CTNNA3: variants seen among roughly 807,000 people sequenced by gnomAD.
CTNNA3 encodes catenin alpha-3.
Under a neutral mutation model 95.7 loss-of-function variants are expected in CTNNA3, and 76 were observed. The ratio of observed to expected loss-of-function variants is 0.79; its 90% CI spans 0.66 to 0.96. The LOEUF (loss-of-function observed/expected upper bound fraction) is 0.96, where lower values mean the gene tolerates loss of function less well. Among genes scored for constraint, CTNNA3 ranks in the 40% least tolerant of loss-of-function variants. The pLI is 0.00. For synonymous variants in CTNNA3, 431 were observed against 374.4 expected (o/e 1.15, Z -1.74); for missense variants, 1,191 against 1,089.8 (o/e 1.09, Z -1.31).
intron 13 of CTNNA3, among the ~76,000 whole-genome samples, chr10:66,262,321 T>C (rs1314113987): frequency 6.6e-6 from 1 of 152,020 alleles, no homozygotes; most frequent in African/African-American, 2.4e-5. Flanking sequence ...ATTATATTGG[T>C]TTTTCCATAT....
intron 7 of CTNNA3, among the ~76,000 whole-genome samples, chr10:66,805,690 A>G (rs148159803): frequency 3.9e-5 from 6 of 152,126 alleles, no homozygotes; most frequent in African/African-American, 1.4e-4. Flanking sequence ...GAATCATTAG[A>G]TCCAGATAAC....
intron 6 of CTNNA3, among the ~76,000 whole-genome samples, chr10:67,206,286 T>A (rs962913430): frequency 6.6e-6 from 1 of 152,172 alleles, no homozygotes; most frequent in Non-Finnish European, 1.5e-5. Context: ...ATATAAAACA[T>A]TGAGATTTCT....
At chr10:66,331,949 C>G (rs2092335708) in intron 12 of CTNNA3, among the ~76,000 whole-genome samples, 1 of 151,886 alleles carries the variant, frequency 6.6e-6, no homozygotes, top group Non-Finnish European at 1.5e-5. Flanking sequence ...GAATGTTCTT[C>G]CATTTGTTTG....
chr10:66,255,423 A>C (rs1302975511), intron 13 of CTNNA3, among the ~76,000 whole-genome samples: 2 of 152,164 alleles, frequency 1.3e-5, no homozygotes, highest in Non-Finnish European at 2.9e-5. Flanking sequence ...CAAACTCTTT[A>C]AACTTTTATA....
At chr10:66,421,757 C>A (rs997001992) in intron 11 of CTNNA3, among the ~76,000 whole-genome samples, 5 of 149,582 alleles carry the variant, frequency 3.3e-5, no homozygotes, top group African/African-American at 1.2e-4. Context: ...AATGGCTGAA[C>A]CCGAGAGGGA....
rs900397677 is a variant in CTNNA3 at position 66,610,668 on chromosome 10, A to G, written c.1374+11024T>C. On this transcript the variant is annotated intron_variant, in intron 10 of 17. Coordinates refer to ENST00000433211, the MANE Select transcript of CTNNA3 (RefSeq NM_013266.4). ...TGTGGAGAAAGGGGAATGCTCATAC[A>G]TTGTTGGTGGGAATATAAAGTCATA... is the stretch of plus-strand genomic sequence containing the variant. Among the ~76,000 whole-genome samples the G allele has an allele frequency of 3.3e-5, 5 of 152,170 alleles. No homozygotes were observed. In the South Asian group the frequency reaches 8.3e-4, roughly 25 times the overall value.
intron 17 of CTNNA3, among the ~76,000 whole-genome samples, chr10:65,937,059 T>TA (rs948137897): frequency 2.0e-5 from 3 of 152,148 alleles, no homozygotes; most frequent in Admixed American, 6.5e-5. Flanking sequence ...TAAGTACTAT[T>TA]ACAGTAGCCT....
chr10:66,199,506 G>A (rs1430987373), intron 13 of CTNNA3, among the ~76,000 whole-genome samples: 3 of 151,284 alleles, frequency 2.0e-5, no homozygotes, highest in African/African-American at 7.3e-5. Flanking sequence ...TGTATGTATG[G>A]TCTTTACATT....
chr10:67,053,161 C>A (rs563256051), intron 7 of CTNNA3, among the ~76,000 whole-genome samples: 1 of 152,274 alleles, frequency 6.6e-6, no homozygotes, highest in South Asian at 2.1e-4. Flanking sequence ...GGGAACCAAT[C>A]ATCTTTTAGA....
intron 7 of CTNNA3, among the ~76,000 whole-genome samples, chr10:67,012,045 G>T (rs1398165132): frequency 6.6e-6 from 1 of 152,148 alleles, no homozygotes; most frequent in Non-Finnish European, 1.5e-5. Context: ...GAAACTTAAA[G>T]AAATTATGGT....
intron 5 of CTNNA3, among the ~76,000 whole-genome samples, chr10:67,498,596 C>G (rs1839113736): frequency 6.6e-6 from 1 of 152,138 alleles, no homozygotes; most frequent in Non-Finnish European, 1.5e-5. Flanking sequence ...TGTTTGTGTC[C>G]TCTCTTATTT....
chr10:66,002,165 G>A (rs907525030), intron 15 of CTNNA3, among the ~76,000 whole-genome samples: 4 of 152,082 alleles, frequency 2.6e-5, no homozygotes, highest in Non-Finnish European at 5.9e-5. Context: ...AGTTATCATG[G>A]AAGCAACCAA....
At chr10:65,983,146 A>G (rs562516438) in intron 16 of CTNNA3, among the ~76,000 whole-genome samples, 1 of 151,770 alleles carries the variant, frequency 6.6e-6, no homozygotes, top group South Asian at 2.1e-4. Context: ...TTTAACACTA[A>G]AAGTTCGTTT....
intron 3 of CTNNA3, among the ~76,000 whole-genome samples, chr10:67,581,897 A>T (rs914315851): frequency 9.9e-5 from 15 of 151,920 alleles, no homozygotes; most frequent in African/African-American, 1.4e-4. Context: ...TGTGGTATCA[A>T]TGATGATATC....
intron 3 of CTNNA3, among the ~76,000 whole-genome samples, chr10:67,583,112 C>G (rs933069521): frequency 1.3e-5 from 2 of 152,016 alleles, no homozygotes; most frequent in African/African-American, 4.8e-5. Context: ...ATGATGTTAG[C>G]TAGTTATTTT....
intron 7 of CTNNA3, among the ~76,000 whole-genome samples, chr10:66,868,062 T>G (rs1844250282): frequency 6.7e-6 from 1 of 149,174 alleles, no homozygotes; most frequent in African/African-American, 2.5e-5. Flanking sequence ...GATTGCTATA[T>G]AAAACTATAA....
intron 3 of CTNNA3, among the ~76,000 whole-genome samples, chr10:67,585,777 C>A (rs902658664): frequency 3.3e-5 from 5 of 151,906 alleles, no homozygotes; most frequent in Admixed American, 1.3e-4. Context: ...AAAAAACCAA[C>A]CTTTTGTTTT....
intron 7 of CTNNA3, among the ~76,000 whole-genome samples, chr10:66,890,280 G>A (rs1845215858): frequency 6.6e-6 from 1 of 151,920 alleles, no homozygotes; most frequent in Non-Finnish European, 1.5e-5. Flanking sequence ...GTGGTTTCAG[G>A]CTCATGGAAC....
At chr10:66,061,758 T>C (rs1191950987) in intron 15 of CTNNA3, among the ~76,000 whole-genome samples, 1 of 152,086 alleles carries the variant, frequency 6.6e-6, no homozygotes, top group East Asian at 1.9e-4. Context: ...CTTCCATGAC[T>C]CAACCCCACA....
Sources: gnomAD v4.1 joint callset for allele counts (sites outside exome capture counted in the v4.1 genomes callset) on GRCh38, gnomAD v4.1.1 for gene constraint, MANE v1.5 for transcripts, NCBI Gene and HGNC (gene_info 2026-07-23, HGNC 2026-07-21) for gene names.